TPO: variants seen among roughly 807,000 people sequenced by gnomAD.
TPO encodes thyroid microsomal antigen.
Under a neutral mutation model 96.9 loss-of-function variants are expected in TPO, and 78 were observed. The observed-to-expected ratio is 0.81, with a 90% CI of 0.67 to 0.97. TPO has a LOEUF of 0.97. Ranked by LOEUF, TPO falls within the 50% of genes least tolerant of loss-of-function variation. TPO has a pLI of 0.00. For synonymous variants in TPO, 547 were observed against 538.0 expected (o/e 1.02, Z -0.23); for missense variants, 1,252 against 1,274.8 (o/e 0.98, Z 0.27).
At chr2:1,495,788 G>A (rs1391695030) in intron 11 of TPO, among the ~76,000 whole-genome samples, 2 of 151,994 alleles carry the variant, frequency 1.3e-5, no homozygotes, top group Admixed American at 6.5e-5. Context: ...GAGTGGTCCC[G>A]GGTGCTGGGG....
chr2:1,408,936 G>C (rs79410013), upstream of TPO, among the ~76,000 whole-genome samples: 2,774 of 152,280 alleles, frequency 0.018, 50 homozygotes, highest in Admixed American at 0.062. Context: ...GGTGACCCTT[G>C]GTGAGAAGAT....
chr2:1,539,987 A>AGTATTTGTGATGTATT (rs1680541186), intron 15 of TPO, among the ~76,000 whole-genome samples: 1 of 152,194 alleles, frequency 6.6e-6, no homozygotes, highest in Non-Finnish European at 1.5e-5. Flanking sequence ...TAAATCCCAC[A>AGTATTTGTGATGTATT]GTATTTGTGA....
At chr2:1,375,627 G>A (rs1344496836) in intron 1 of TPO, among the ~76,000 whole-genome samples, 1 of 152,232 alleles carries the variant, frequency 6.6e-6, no homozygotes, top group South Asian at 2.1e-4. Context: ...GCCTGTTTGG[G>A]AATAAAAGGG....
At chr2:1,467,025 A>G (rs2148638374) in intron 7 of TPO, among the ~76,000 whole-genome samples, 1 of 152,136 alleles carries the variant, frequency 6.6e-6, no homozygotes, top group South Asian at 2.1e-4. Context: ...ATTTAGGGCT[A>G]TGAACTTTCC....
At position 1,477,264 on chromosome 2, in the gene TPO, C is replaced by T. The variant is rs747284394; in HGVS notation, c.998C>T (p.Ser333Phe). The T allele has an allele frequency of 6.2e-6, 10 of 1,604,980 alleles. No homozygotes were observed. In the South Asian group the frequency reaches 9.0e-5, roughly 14 times the overall value. The stretch of plus-strand genomic sequence containing the variant: ...GACGCGTCCACCGTGTATGGCAGCT[C>T]CCCGGCCCTAGAGAGGCAGCTGCGG... ...FLDASTVYGS[S>F]PALERQLRNW... The change falls in exon 8 of 17, where the codon TCC becomes TTC. Residue 333 changes from serine (S) to phenylalanine (F), a missense_variant. Ser to Phe is a radical substitution (Grantham distance 155, BLOSUM62 -2). Transcript: ENST00000329066.
Position 1,542,134 on chromosome 2 carries a change from G to A in TPO, c.2749-287G>A, listed in dbSNP as rs1680832033. The stretch of plus-strand genomic sequence containing the variant: ...CATCTGTGGTCGCAGGGACCTGTGT[G>A]CTCAGCACGGCTTCTTCCTGAAGGA... On this transcript the variant is annotated intron_variant, in intron 16 of 16. Transcript: ENST00000329066. 3.6e-5 allele frequency: 20 copies of A among 550,192 alleles called. 1 individual carries two copies. In the South Asian group the frequency reaches 4.0e-4, roughly 11 times the overall value. 34.1% of individuals were successfully genotyped at this position (550,192 alleles called of 1,614,324 possible). A position where few individuals can be genotyped will look rare whatever the true frequency, so the allele number is the denominator to read the frequency against.
Position 1,516,976 on chromosome 2 carries a change from G to T in TPO, c.2612G>T (p.Cys871Phe). The change falls in exon 15 of 17, where the codon TGC becomes TTC. Residue 871 changes from cysteine to phenylalanine, a missense_variant. Coordinates refer to ENST00000329066, the MANE Select transcript of TPO (RefSeq NM_001206744.2). ...GFAGLTSTVICRWTRTGTKST... is the reference protein window; with the variant it reads ...GFAGLTSTVIFRWTRTGTKST... ...GCAGGTCTCACCTCGACGGTGATTT[G>T]CAGGTGGTAAGTCCTTCACTTTTTG... 3 of 1,613,878 alleles carry T rather than the reference G, an allele frequency of 1.9e-6. No homozygotes were observed. The highest frequency in any genetic ancestry group is 2.5e-6 in the Non-Finnish European group (3 of 1,180,030).
At position 1,504,067 on chromosome 2, in the gene TPO, A is replaced by C. The variant is rs776360808; in HGVS notation, c.2506A>C (p.Arg836=). Reference sequence around the variant, plus strand: ...CCCCTACGAGTTAGGAGACGATGGGAGAACCTGCGTAGGTGAGGCTGTTCC... The same window carrying C: ...CCCCTACGAGTTAGGAGACGATGGGCGAACCTGCGTAGGTGAGGCTGTTCC... ...ADPYELGDDG[R]TCVDSGRLPR... Residue 836 remains arginine, a synonymous_variant, in exon 14 of 17, where the codon AGA becomes CGA. Coordinates refer to ENST00000329066, the MANE Select transcript of TPO (RefSeq NM_001206744.2). The C allele has an allele frequency of 6.2e-7, 1 of 1,614,144 alleles. No homozygotes were observed. Among genetic ancestry groups the C allele is most frequent in the Non-Finnish European group, 8.5e-7 (1 of 1,180,028 alleles).
rs569266183 is a variant in TPO at position 1,387,649 on chromosome 2, G to A, written n.180+13247G>A. ...CAAGGTTTTTAACTTCTTTGCGATG[G>A]GCTCGAACTTCCTCCTTTAGCTTGG... is the stretch of plus-strand genomic sequence containing the variant. On this transcript the variant is annotated intron_variant and non_coding_transcript_variant, in intron 1 of 5. Transcript: ENST00000497517. 3.3e-5 allele frequency among the ~76,000 whole-genome samples: 5 copies of A among 152,220 alleles called. No homozygotes were observed. The East Asian group carries it at 9.7e-4, about 29-fold the overall frequency.
intron 1 of TPO, among the ~76,000 whole-genome samples, chr2:1,395,202 G>A (rs1662061721): frequency 6.6e-6 from 1 of 152,112 alleles, no homozygotes; most frequent in African/African-American, 2.4e-5. Flanking sequence ...CTTGGAAGGG[G>A]TGCAGTTTGC....
At chr2:1,518,196 A>C (rs1488709244) in intron 15 of TPO, among the ~76,000 whole-genome samples, 1 of 152,162 alleles carries the variant, frequency 6.6e-6, no homozygotes, top group East Asian at 1.9e-4. Flanking sequence ...TCTTCCCAAT[A>C]ATAGAAACTC....
chr2:1,536,751 C>T (rs1313934122), intron 15 of TPO, among the ~76,000 whole-genome samples: 3 of 125,376 alleles, frequency 2.4e-5, no homozygotes, highest in Non-Finnish European at 4.9e-5. Flanking sequence ...GTGCAACCTC[C>T]CCAAATCCCC....
At chr2:1,515,483 T>C (rs929217189) in intron 14 of TPO, among the ~76,000 whole-genome samples, 1 of 151,952 alleles carries the variant, frequency 6.6e-6, no homozygotes, top group East Asian at 1.9e-4. Flanking sequence ...GACAGGATCG[T>C]TTTGGAGAAA....
intron 2 of TPO, among the ~76,000 whole-genome samples, chr2:1,421,995 C>T (rs543344901): frequency 5.3e-5 from 8 of 152,222 alleles, no homozygotes; most frequent in Non-Finnish European, 1.2e-4. Flanking sequence ...TCCTCCCTCC[C>T]TCCTGCCCTT....
chr2:1,390,391 C>T (rs1436615525), intron 1 of TPO, among the ~76,000 whole-genome samples: 2 of 152,124 alleles, frequency 1.3e-5, no homozygotes, highest in Non-Finnish European at 2.9e-5. Flanking sequence ...TGTATATGTG[C>T]CACATTTTCT....
At chr2:1,530,676 TCTCAAATCCCCCTACTGTGTGCAACCTC>T in intron 15 of TPO, among the ~76,000 whole-genome samples, 6 of 19,852 alleles carry the variant, frequency 3.0e-4, no homozygotes, top group Admixed American at 7.0e-4. Context: ...TGTGCAACCT[TCTCAAATCCCCCTACTGTGTGCAACCTC>T]CTCAAATCCC....
At chr2:1,424,364 G>C (rs1213670938) in intron 3 of TPO, among the ~76,000 whole-genome samples, 2 of 152,168 alleles carry the variant, frequency 1.3e-5, no homozygotes, top group Non-Finnish European at 2.9e-5. Flanking sequence ...CTTAAGGTCT[G>C]TGTTGATGTT....
chr2:1,410,678 A>T (rs1662319070), upstream of TPO, among the ~76,000 whole-genome samples: 1 of 145,764 alleles, frequency 6.9e-6, no homozygotes. Context: ...TGGGCCCGGG[A>T]CTGGACCGCA....
rs189047677 is a variant in TPO at position 1,518,680 on chromosome 2, T to C, written c.2618+1698T>C. On this transcript the variant is annotated intron_variant, in intron 15 of 16. Transcript: ENST00000329066. Reference sequence around the variant, plus strand: ...TAACAAAACTAACATACACCATAATTCAGACAACTGTGAGAAATTCCTTCC... The same window carrying C: ...TAACAAAACTAACATACACCATAATCCAGACAACTGTGAGAAATTCCTTCC... Among the ~76,000 whole-genome samples, 16 of 152,340 alleles carry C rather than the reference T, an allele frequency of 1.1e-4. 1 individual carries two copies. Among genetic ancestry groups the C allele is most frequent in the African/African-American group, 3.8e-4 (16 of 41,572 alleles).
Sources: gnomAD v4.1 joint callset for allele counts (sites outside exome capture counted in the v4.1 genomes callset) on GRCh38, gnomAD v4.1.1 for gene constraint, MANE v1.5 for transcripts, NCBI Gene and HGNC (gene_info 2026-07-23, HGNC 2026-07-21) for gene names.